RBFOX1: variants seen among roughly 807,000 people sequenced by gnomAD.
The protein encoded by RBFOX1 is RNA binding protein fox-1 homolog 1.
Under a neutral mutation model 57.7 loss-of-function variants are expected in RBFOX1, and 8 were observed. That is an observed-to-expected ratio of 0.14 (90% confidence interval 0.08 to 0.25). The LOEUF is 0.25. Among genes scored for constraint, RBFOX1 ranks in the 10% least tolerant of loss-of-function variants. The pLI is 1.00. For missense variants in RBFOX1, 611 were observed against 548.5 expected, an observed-to-expected ratio of 1.11 and a Z score of -1.14; for synonymous variants, 326 against 222.4, an observed-to-expected ratio of 1.47 and a Z score of -4.15.
intron 3 of RBFOX1, among the ~76,000 whole-genome samples, chr16:6,980,879 C>G (rs139788783): frequency 0.024 from 3,667 of 151,936 alleles, 51 homozygotes; most frequent in Non-Finnish European, 0.036. Context: ...CCCATCTGTA[C>G]TAAAAATACA....
At chr16:7,565,276 C>A (rs747759458) in intron 5 of RBFOX1, among the ~76,000 whole-genome samples, 1 of 152,020 alleles carries the variant, frequency 6.6e-6, no homozygotes, top group Non-Finnish European at 1.5e-5. Flanking sequence ...TTTCTTCCCC[C>A]GCCCGCCACC....
intron 3 of RBFOX1, among the ~76,000 whole-genome samples, chr16:6,811,247 A>G (rs1294556486): frequency 1.3e-5 from 2 of 152,248 alleles, no homozygotes; most frequent in Non-Finnish European, 2.9e-5. Flanking sequence ...CAAGAATGCC[A>G]CAAAATTGAG....
chr16:5,429,036 C>G (rs376950854), intron 1 of RBFOX1, among the ~76,000 whole-genome samples: 1 of 152,122 alleles, frequency 6.6e-6, no homozygotes, highest in African/African-American at 2.4e-5. Flanking sequence ...CCACCCGCTA[C>G]GAAGTTGCTA....
At chr16:7,679,209 A>G (rs2074131544) in intron 14 of RBFOX1, among the ~76,000 whole-genome samples, 1 of 152,230 alleles carries the variant, frequency 6.6e-6, no homozygotes, top group Admixed American at 6.5e-5. Context: ...ATTGAGAAAG[A>G]ATACCTTTTT....
In RBFOX1 at chr16:7,143,554, A is replaced by T. The variant is rs370236208; in HGVS notation, c.27+91456A>T. ...CACCAATAAAAATAAAAATAACAAT[A>T]CCTTGTATTTATGGGGTAGCTTTCT... On this transcript the variant is annotated intron_variant, in intron 4 of 15. Coordinates refer to ENST00000550418, the MANE Select transcript of RBFOX1 (RefSeq NM_018723.4). Among the ~76,000 whole-genome samples the T allele has an allele frequency of 7.2e-5, 11 of 152,086 alleles. No homozygotes were observed. In the East Asian group the frequency reaches 1.7e-3, roughly 24 times the overall value.
At chr16:6,113,953 C>T (rs961455200) in intron 1 of RBFOX1, among the ~76,000 whole-genome samples, 6 of 152,198 alleles carry the variant, frequency 3.9e-5, no homozygotes, top group African/African-American at 1.4e-4. Flanking sequence ...TGGTATCCAG[C>T]TGTTCTAAAT....
chr16:7,244,367 A>T (rs1603441735), intron 4 of RBFOX1, among the ~76,000 whole-genome samples: 3 of 152,064 alleles, frequency 2.0e-5, no homozygotes, highest in African/African-American at 4.8e-5. Context: ...AACCCTCAAG[A>T]TGCATCCCCA....
chr16:6,234,458 A>C (rs546037116), intron 1 of RBFOX1, among the ~76,000 whole-genome samples: 2 of 152,284 alleles, frequency 1.3e-5, no homozygotes, highest in South Asian at 2.1e-4. Context: ...GCCACTTAGC[A>C]TGGTGATGTC....
chr16:7,618,766 T>G (rs1429002671), intron 10 of RBFOX1, among the ~76,000 whole-genome samples: 1 of 152,202 alleles, frequency 6.6e-6, no homozygotes, highest in Non-Finnish European at 1.5e-5. Context: ...CTGTTGTCTT[T>G]TGAAAATGTA....
intron 2 of RBFOX1, among the ~76,000 whole-genome samples, chr16:6,543,556 G>T (rs1162240086): frequency 1.3e-5 from 2 of 152,068 alleles, no homozygotes; most frequent in Non-Finnish European, 2.9e-5. Context: ...CCTTACTGTG[G>T]CTCCAAGAAG....
chr16:6,680,749 CT>C (rs1272795293), intron 3 of RBFOX1, among the ~76,000 whole-genome samples: 4 of 152,186 alleles, frequency 2.6e-5, no homozygotes, highest in Admixed American at 2.6e-4. Flanking sequence ...TGTGTTTTAT[CT>C]TTGTAAGGCG....
chr16:6,019,905 AGT>A lies in RBFOX1; in HGVS notation c.-210_-209del, dbSNP rs1253995026. 6.1e-5 allele frequency: 93 copies of A among 1,534,802 alleles called. No individual in the cohort carries two copies. In the Middle Eastern group the frequency reaches 3.8e-3, roughly 63 times the overall value. On this transcript the variant is annotated 5_prime_UTR_variant, in exon 1 of 16. It removes the in-frame stop codon of an upstream open reading frame in the 5' UTR. Coordinates refer to ENST00000550418, the MANE Select transcript of RBFOX1 (RefSeq NM_018723.4). The surrounding 1 kb of genome is among the most constrained non-coding windows in gnomAD (Gnocchi z 4.2). ...CTTCCGCCGCCTCCAGCTTATGGTG[AGT>A]GTGGCTGGGGGTGCAGAGAGCGCAC...
chr16:6,912,144 C>T (rs9931096), intron 3 of RBFOX1, among the ~76,000 whole-genome samples: 2 of 152,146 alleles, frequency 1.3e-5, no homozygotes, highest in African/African-American at 2.4e-5. Flanking sequence ...CGTTTGAGTT[C>T]TATTTTCATG....
At chr16:7,390,099 A>C (rs2097970326) in intron 4 of RBFOX1, among the ~76,000 whole-genome samples, 1 of 152,150 alleles carries the variant, frequency 6.6e-6, no homozygotes, top group African/African-American at 2.4e-5. Flanking sequence ...ACAGAAAAAC[A>C]GAGCGAGAAG....
At chr16:7,090,999 A>T (rs372002090) in intron 4 of RBFOX1, among the ~76,000 whole-genome samples, 1 of 152,178 alleles carries the variant, frequency 6.6e-6, no homozygotes, top group Non-Finnish European at 1.5e-5. Flanking sequence ...GAAAGTAGGC[A>T]ATTGGCACCT....
chr16:6,774,390 G>A (rs1192685224), intron 3 of RBFOX1, among the ~76,000 whole-genome samples: 1 of 152,150 alleles, frequency 6.6e-6, no homozygotes, highest in African/African-American at 2.4e-5. Flanking sequence ...TTGAGCAATT[G>A]TGGTTATGAT....
intron 3 of RBFOX1, among the ~76,000 whole-genome samples, chr16:5,710,997 G>C (rs1179335529): frequency 6.6e-6 from 1 of 152,214 alleles, no homozygotes; most frequent in Non-Finnish European, 1.5e-5. Flanking sequence ...TCTTGTGCCT[G>C]ACCCTAGGGT....
intron 2 of RBFOX1, among the ~76,000 whole-genome samples, chr16:6,439,720 A>G (rs766488456): frequency 9.9e-5 from 15 of 152,150 alleles, no homozygotes; most frequent in Non-Finnish European, 1.8e-4. Flanking sequence ...AGAGGGGTAG[A>G]CATATTATTT....
chr16:7,224,481 G>A (rs991674432), intron 4 of RBFOX1, among the ~76,000 whole-genome samples: 1 of 152,022 alleles, frequency 6.6e-6, no homozygotes, highest in East Asian at 1.9e-4. Flanking sequence ...GCAAATGATC[G>A]AGCTATAAAA....
Sources: gnomAD v4.1 joint callset for allele counts (sites outside exome capture counted in the v4.1 genomes callset) on GRCh38, gnomAD v4.1.1 for gene constraint, Gnocchi (gnomAD v3.1) non-coding constraint, MANE v1.5 for transcripts, NCBI Gene and HGNC (gene_info 2026-07-23, HGNC 2026-07-21) for gene names.